TMEM183A: variants seen among roughly 807,000 people sequenced by gnomAD.
The protein encoded by TMEM183A is chromosome 1 open reading frame 37.
In TMEM183A, 21 loss-of-function variants were observed where a neutral mutation model predicts 46.7. The observed-to-expected ratio is 0.45, with a 90% confidence interval of 0.32 to 0.65. The LOEUF (loss-of-function observed/expected upper bound fraction) is 0.65, where lower values mean the gene tolerates loss of function less well. TMEM183A is among the 30% of genes least tolerant of loss of function. TMEM183A has a pLI of 0.04. For missense variants in TMEM183A, 331 were observed against 481.9 expected (o/e 0.69, Z 2.93); for synonymous variants, 165 against 180.2 (o/e 0.92, Z 0.68).
chr1:203,012,148 TCA>T (rs767000280), intron 3 of TMEM183A, among the ~76,000 whole-genome samples: 11,815 of 78,822 alleles, frequency 0.15, 967 homozygotes, highest in Non-Finnish European at 0.18. Context: ...CCCCACTCCA[TCA>T]CACACACACA....
Position 203,018,577 on chromosome 1 carries a change from T to G in TMEM183A, c.789+16T>G, listed in dbSNP as rs1181874686. 1 of 1,607,356 alleles carries G rather than the reference T, an allele frequency of 6.2e-7. No individual in the cohort carries two copies. The highest frequency in any genetic ancestry group is 1.3e-5 in the African/African-American group (1 of 74,780). On this transcript the variant is annotated intron_variant, in intron 6 of 7. Transcript: ENST00000367242. Reference sequence around the variant, plus strand: ...CAAAAAACAGGTACGTGGTCTTCTCTTTGTTTTTCAGATAATACCTTGTTC... The same window carrying G: ...CAAAAAACAGGTACGTGGTCTTCTCGTTGTTTTTCAGATAATACCTTGTTC...
chr1:203,020,874 G>T lies in TMEM183A; in HGVS notation c.871G>T (p.Asp291Tyr). 6.2e-7 allele frequency: 1 copy of T among 1,613,790 alleles called. No homozygotes were observed. ...AGATGTTCATACCAATCCAGACCAGGACTGCTGCCTACTGCAGGTCACCAC... is the reference window on the plus strand; with the variant it reads ...AGATGTTCATACCAATCCAGACCAGTACTGCTGCCTACTGCAGGTCACCAC... ...YEDVHTNPDQ[D>Y]CCLLQVTTLN... The change falls in exon 7 of 8, where the codon GAC (aspartate) becomes TAC (tyrosine). Residue 291 changes from aspartate (D) to tyrosine (Y), a missense_variant. Asp to Tyr is a radical substitution (Grantham distance 160, BLOSUM62 -3). Transcript: ENST00000367242.
chr1:203,012,242 C>CACACAG (rs1656720444), intron 3 of TMEM183A, among the ~76,000 whole-genome samples: 1 of 138,904 alleles, frequency 7.2e-6, no homozygotes, highest in African/African-American at 2.6e-5. Flanking sequence ...CCATCACACA[C>CACACAG]ACACACACAC....
chr1:203,020,251 C>T (rs1323496542), intron 6 of TMEM183A, among the ~76,000 whole-genome samples: 2 of 152,232 alleles, frequency 1.3e-5, no homozygotes, highest in African/African-American at 4.8e-5. Flanking sequence ...CTGTGATATC[C>T]ATTAGACACT....
chr1:203,020,542 T>A (rs2102569489), intron 6 of TMEM183A, among the ~76,000 whole-genome samples: 1 of 152,344 alleles, frequency 6.6e-6, no homozygotes, highest in South Asian at 2.1e-4. Flanking sequence ...AAGTTTCCAT[T>A]TCTTGTCAGA....
rs1656724888 is a variant in TMEM183A, at chr1:203,012,268, C to CACACACACAT, written c.368-2612_368-2611insTACACACACA. Among the ~76,000 whole-genome samples the CACACACACAT allele has an allele frequency of 2.0e-5, 3 of 149,344 alleles. No homozygotes were observed. In the Admixed American group the frequency reaches 2.1e-4, roughly 10 times the overall value. On this transcript the variant is annotated intron_variant, in intron 3 of 7. Coordinates refer to ENST00000367242, the MANE Select transcript of TMEM183A (RefSeq NM_138391.6). Reference sequence around the variant, plus strand: ...ACACACACACACACACACACACACACACACACACACGGTTATTTTGAAACA... The same window carrying CACACACACAT: ...ACACACACACACACACACACACACACACACACACATACACACACACGGTTATTTTGAAACA...
Position 203,007,850 on chromosome 1 carries a change from T to A in TMEM183A, c.186T>A (p.Ala62=), listed in dbSNP as rs1451140387. 6.2e-7 allele frequency: 1 copy of A among 1,614,000 alleles called. No homozygotes were observed. Among genetic ancestry groups the A allele is most frequent in the Admixed American group, 1.7e-5 (1 of 60,008 alleles). ...SGRVKKAVAN[A]VQQEVKSLCG... is the part of the protein sequence containing the mutation. The stretch of plus-strand genomic sequence containing the variant: ...GAGTCAAGAAAGCCGTAGCCAACGC[T>A]GTTCAGCAGGAAGGTAAGCTTTGCG... Residue 62 remains alanine, a synonymous_variant, in exon 2 of 8, where the codon GCT becomes GCA. Coordinates refer to ENST00000367242, the MANE Select transcript of TMEM183A (RefSeq NM_138391.6).
In TMEM183A at chr1:203,018,702, A is replaced by C. The variant is rs942702859; in HGVS notation, c.789+141A>C. On this transcript the variant is annotated intron_variant, in intron 6 of 7. Transcript: ENST00000367242. ...AAAAGAACGAACTTTATTTCTTAAC[A>C]GTTCTGGAGGCTGGGAAGTCCAAGA... 5.1e-6 allele frequency: 5 copies of C among 980,636 alleles called. No homozygotes were observed. In the African/African-American group the frequency reaches 8.3e-5, roughly 16 times the overall value. 60.7% of individuals were successfully genotyped at this position (980,636 alleles called of 1,614,324 possible). A position where few individuals can be genotyped will look rare whatever the true frequency, so the allele number is the denominator to read the frequency against.
chr1:203,007,450 C>T lies in TMEM183A; in HGVS notation c.-16C>T. 2.8e-6 allele frequency: 4 copies of T among 1,415,076 alleles called. No individual in the cohort carries two copies. Among genetic ancestry groups the T allele is most frequent in the African/African-American group, 1.5e-5 (1 of 66,708 alleles). 87.7% of individuals were successfully genotyped at this position (1,415,076 alleles called of 1,614,324 possible). A position where few individuals can be genotyped will look rare whatever the true frequency, so the allele number is the denominator to read the frequency against. ...GCTGGCTTGCGGCTCCCGGGGCCGG[C>T]TCTCCGGCCGGAGACATGGCCCGGG... On this transcript the variant is annotated 5_prime_UTR_variant, in exon 1 of 8. Coordinates refer to ENST00000367242, the MANE Select transcript of TMEM183A (RefSeq NM_138391.6).
chr1:203,020,379 C>T (rs1211834396), intron 6 of TMEM183A, among the ~76,000 whole-genome samples: 1 of 152,112 alleles, frequency 6.6e-6, no homozygotes, highest in Non-Finnish European at 1.5e-5. Context: ...TCCTTTAGTT[C>T]CGAGACTTGT....
chr1:203,009,708 T>C (rs1007965895), intron 3 of TMEM183A, among the ~76,000 whole-genome samples: 9 of 152,266 alleles, frequency 5.9e-5, no homozygotes, highest in African/African-American at 2.2e-4. Context: ...AGATTTGAGC[T>C]CCTGGGCTCA....
intron 6 of TMEM183A, 111 bp from the exon 7 acceptor site, chr1:203,020,682 T>A (rs1657575921): frequency 7.5e-7 from 1 of 1,334,504 alleles, no homozygotes. Context: ...AGAGAGAAGA[T>A]AAAAGTGTAT....
intron 4 of TMEM183A, chr1:203,015,295 C>T (rs1657064609): frequency 1.9e-6 from 1 of 539,576 alleles, no homozygotes; most frequent in East Asian, 3.2e-5. Flanking sequence ...AAACGTCTTG[C>T]TTCAAGTCCC....
rs115711285 is a variant in TMEM183A at position 203,021,192 on chromosome 1, C to T, written c.945+244C>T. 6.5e-3 allele frequency among the ~76,000 whole-genome samples: 987 copies of T among 152,134 alleles called. 15 individuals are homozygous for T. Among genetic ancestry groups the T allele is most frequent in the African/African-American group, 0.023 (958 of 41,492 alleles). On this transcript the variant is annotated intron_variant, in intron 7 of 7. Coordinates refer to ENST00000367242, the MANE Select transcript of TMEM183A (RefSeq NM_138391.6). ...GGACTACAGGTGTGCACCACCACCC[C>T]TAGCTAATTTTTATTTTTTGTTGCA...
At chr1:203,012,371 CTT>C (rs2102543984) in intron 3 of TMEM183A, among the ~76,000 whole-genome samples, 1 of 152,082 alleles carries the variant, frequency 6.6e-6, no homozygotes, top group Admixed American at 6.5e-5. Flanking sequence ...ATCTAAAAGA[CTT>C]TAACAGTAAT....
intron 3 of TMEM183A, among the ~76,000 whole-genome samples, chr1:203,011,953 CT>C (rs201867940): frequency 5.5e-5 from 8 of 146,312 alleles, no homozygotes; most frequent in African/African-American, 1.0e-4. Flanking sequence ...TTTTAAAAGC[CT>C]TTTTTTTAAT....
intron 3 of TMEM183A, among the ~76,000 whole-genome samples, 154 bp downstream of exon 3, chr1:203,008,964 G>A (rs1272117493): frequency 2.6e-5 from 4 of 152,150 alleles, no homozygotes; most frequent in East Asian, 3.8e-4. Flanking sequence ...GTAGTGGGCC[G>A]GGATTTAATA....
At position 203,013,560 on chromosome 1, in the gene TMEM183A, G is replaced by T. The variant is rs1156803858; in HGVS notation, c.368-1329G>T. Among the ~76,000 whole-genome samples, 1 of 151,714 alleles carries T rather than the reference G, an allele frequency of 6.6e-6. No individual in the cohort carries two copies. Reference sequence around the variant, plus strand: ...AGAGTTTCACTCTGTCGCCCAGGCTGGAGTGCAGTGGCGCTATCTCGGCTC... The same window carrying T: ...AGAGTTTCACTCTGTCGCCCAGGCTTGAGTGCAGTGGCGCTATCTCGGCTC... On this transcript the variant is annotated intron_variant, in intron 3 of 7. Coordinates refer to ENST00000367242, the MANE Select transcript of TMEM183A (RefSeq NM_138391.6). This position sits in a 1 kb window ranked among gnomAD's most constrained non-coding sequence, Gnocchi z 4.0.
Position 203,007,885 on chromosome 1 carries a change from A to G in TMEM183A, c.199+22A>G, listed in dbSNP as rs201795085. ...GAAGGTAAGCTTTGCGCGAGCCTTT[A>G]AAGACTCATGCCGCGAAGACAGAAC... On this transcript the variant is annotated intron_variant, in intron 2 of 7. Coordinates refer to ENST00000367242, the MANE Select transcript of TMEM183A (RefSeq NM_138391.6). The G allele has an allele frequency of 2.3e-4, 366 of 1,613,730 alleles. 1 individual carries two copies. Among genetic ancestry groups the G allele is most frequent in the African/African-American group, 2.1e-3 (161 of 75,056 alleles).
Sources: gnomAD v4.1 joint callset for allele counts (sites outside exome capture counted in the v4.1 genomes callset) on GRCh38, gnomAD v4.1.1 for gene constraint, Gnocchi (gnomAD v3.1) non-coding constraint, MANE v1.5 for transcripts, NCBI Gene and HGNC (gene_info 2026-07-23, HGNC 2026-07-21) for gene names.